The following TLK1 variants were observed in gnomAD, a reference collection of about 807,000 sequenced individuals.
The protein encoded by TLK1 is serine/threonine-protein kinase tousled-like 1.
A neutral mutation model predicts 105.3 loss-of-function variants in TLK1; 24 were observed. That is an observed-to-expected ratio of 0.23 (90% CI 0.17 to 0.32). The LOEUF is 0.32. TLK1 is among the 10% of genes least tolerant of loss of function. The pLI is 1.00. For missense variants in TLK1, 558 were observed against 910.5 expected (o/e 0.61, Z 4.98); for synonymous variants, 321 against 310.4 (o/e 1.03, Z -0.36).
chr2:171,140,169 T>G (rs962993887), intron 1 of TLK1, among the ~76,000 whole-genome samples: 1 of 151,880 alleles, frequency 6.6e-6, no homozygotes, highest in Non-Finnish European at 1.5e-5. Context: ...AGAGCGTGGT[T>G]AAGAGGAGAA....
chr2:171,105,633 C>T (rs1689887588), intron 2 of TLK1, among the ~76,000 whole-genome samples: 6 of 152,080 alleles, frequency 3.9e-5, no homozygotes, highest in Admixed American at 3.9e-4. Flanking sequence ...CTGCAGTGAG[C>T]CCCGAGACTG....
chr2:171,046,436 TA>T, intron 10 of TLK1, 74 bp from the exon 11 acceptor site: 1 of 1,447,012 alleles, frequency 6.9e-7, no homozygotes, highest in East Asian at 2.3e-5. Context: ...AAAAAATGCA[TA>T]AAAAACATGA....
intron 2 of TLK1, among the ~76,000 whole-genome samples, chr2:171,116,525 C>CA (rs1690434018): frequency 6.6e-6 from 1 of 151,916 alleles, no homozygotes; most frequent in Non-Finnish European, 1.5e-5. Context: ...CATGGTAAAA[C>CA]CCCGTCTCTA....
chr2:171,129,096 A>G (rs1265881753), intron 1 of TLK1, among the ~76,000 whole-genome samples: 1 of 152,188 alleles, frequency 6.6e-6, no homozygotes, highest in African/African-American at 2.4e-5. Context: ...GAATCTGGTA[A>G]AACTTGAGCT....
chr2:171,149,650 A>G (rs1393361916), intron 1 of TLK1, among the ~76,000 whole-genome samples: 2 of 152,218 alleles, frequency 1.3e-5, no homozygotes, highest in Admixed American at 6.5e-5. Flanking sequence ...TCAAGCCTGT[A>G]ATCCCAACAC....
chr2:171,094,811 T>C (rs1482013483), intron 2 of TLK1, among the ~76,000 whole-genome samples: 5 of 152,166 alleles, frequency 3.3e-5, no homozygotes, highest in Non-Finnish European at 5.9e-5. Flanking sequence ...TTTCACCATG[T>C]TGGTCAGGCT....
chr2:171,195,517 A>T (rs1006363322), intron 1 of TLK1, among the ~76,000 whole-genome samples: 1 of 151,616 alleles, frequency 6.6e-6, no homozygotes, highest in African/African-American at 2.4e-5. Context: ...AAAAAAAAAA[A>T]AAAAACATAA....
intron 1 of TLK1, among the ~76,000 whole-genome samples, chr2:171,211,957 T>C (rs1365692961): frequency 6.6e-6 from 1 of 151,934 alleles, no homozygotes; most frequent in Non-Finnish European, 1.5e-5. Flanking sequence ...GCGATTCTCC[T>C]GCCTCAGTCA....
intron 1 of TLK1, among the ~76,000 whole-genome samples, chr2:171,214,904 A>T (rs1693684679): frequency 6.6e-6 from 1 of 152,082 alleles, no homozygotes; most frequent in African/African-American, 2.4e-5. Context: ...TCAGCAACTG[A>T]AGCCTGACTC....
intron 2 of TLK1, among the ~76,000 whole-genome samples, chr2:171,095,689 C>T (rs1310469946): frequency 2.6e-5 from 4 of 151,796 alleles, no homozygotes; most frequent in African/African-American, 9.7e-5. Flanking sequence ...CATACATAGT[C>T]AATAAATATG....
chr2:171,190,726 T>A (rs1216462450), intron 1 of TLK1, among the ~76,000 whole-genome samples: 1 of 152,258 alleles, frequency 6.6e-6, no homozygotes, highest in Admixed American at 6.5e-5. Context: ...CAAAAAATAG[T>A]TTTAAAAATT....
intron 3 of TLK1, among the ~76,000 whole-genome samples, chr2:171,071,811 T>C (rs1426960993): frequency 6.6e-6 from 1 of 152,208 alleles, no homozygotes; most frequent in Non-Finnish European, 1.5e-5. Context: ...ATATCCAGTT[T>C]TCCCTGCACC....
chr2:171,203,725 T>A (rs1693445223), intron 1 of TLK1, among the ~76,000 whole-genome samples: 1 of 152,066 alleles, frequency 6.6e-6, no homozygotes, highest in Non-Finnish European at 1.5e-5. Context: ...TTACTACAGG[T>A]TGGTAATCAA....
intron 20 of TLK1, among the ~76,000 whole-genome samples, chr2:170,995,692 A>G (rs977666528): frequency 6.6e-6 from 1 of 152,320 alleles, no homozygotes; most frequent in African/African-American, 2.4e-5. Context: ...TTGCTTTCAA[A>G]TAAGAATATT....
intron 1 of TLK1, among the ~76,000 whole-genome samples, chr2:171,202,668 A>G (rs1313408768): frequency 6.6e-6 from 1 of 152,118 alleles, no homozygotes; most frequent in Non-Finnish European, 1.5e-5. Context: ...GAGGCAGGAT[A>G]ATGGCTTGAA....
At chr2:171,183,046 C>T (rs1692958336) in intron 1 of TLK1, among the ~76,000 whole-genome samples, 1 of 151,952 alleles carries the variant, frequency 6.6e-6, no homozygotes, top group African/African-American at 2.4e-5. Context: ...ATAATTCTTG[C>T]AATTTTTCTG....
chr2:171,071,486 A>C (rs1688253532), intron 3 of TLK1, among the ~76,000 whole-genome samples: 1 of 151,864 alleles, frequency 6.6e-6, no homozygotes, highest in Admixed American at 6.6e-5. Flanking sequence ...ACGGGGTTTC[A>C]CTGTGTTAGC....
intron 18 of TLK1, among the ~76,000 whole-genome samples, chr2:171,001,368 T>C (rs1175324977): frequency 1.3e-5 from 2 of 152,152 alleles, no homozygotes; most frequent in African/African-American, 4.8e-5. Context: ...GCCAGGGGCA[T>C]TGTCCAGTAT....
At chr2:171,080,466 CATTA>C (rs1386330281) in intron 3 of TLK1, among the ~76,000 whole-genome samples, 1 of 118,418 alleles carries the variant, frequency 8.4e-6, no homozygotes, top group African/African-American at 4.0e-5. Context: ...CAAAGGAATT[CATTA>C]ATTATCAACT....
Sources: allele counts gnomAD v4.1 joint callset (sites outside exome capture counted in the v4.1 genomes callset), GRCh38; gene constraint gnomAD v4.1.1; transcripts MANE v1.5; gene names NCBI Gene and HGNC (gene_info 2026-07-23, HGNC 2026-07-21).